LPP: variants seen among roughly 807,000 people sequenced by gnomAD.
The protein encoded by LPP is lipoma-preferred partner.
In LPP, 38 loss-of-function variants were observed where a neutral mutation model predicts 60.4. The observed-to-expected ratio is 0.63, with a 90% CI of 0.49 to 0.83. The LOEUF (loss-of-function observed/expected upper bound fraction) is 0.83, where lower values mean the gene tolerates loss of function less well. Ranked by LOEUF, LPP falls within the 40% of genes least tolerant of loss-of-function variation. The pLI is 0.00. For missense variants in LPP, 902 were observed against 783.6 expected (o/e 1.15, Z -1.80); for synonymous variants, 328 against 290.8 (o/e 1.13, Z -1.30).
At chr3:188,346,482 C>T (rs992879507) in intron 3 of LPP, among the ~76,000 whole-genome samples, 1 of 150,076 alleles carries the variant, frequency 6.7e-6, no homozygotes, top group Non-Finnish European at 1.5e-5. Context: ...TCAGGCTGCT[C>T]TCAAACTCCT....
intron 2 of LPP, among the ~76,000 whole-genome samples, chr3:188,329,035 C>T (rs953043924): frequency 3.9e-5 from 6 of 152,074 alleles, no homozygotes; most frequent in African/African-American, 1.4e-4. Flanking sequence ...ATTTTTGTAG[C>T]ATTAATGTAA....
intron 9 of LPP, among the ~76,000 whole-genome samples, chr3:188,820,573 G>A (rs564725186): frequency 2.6e-5 from 4 of 152,208 alleles, no homozygotes; most frequent in African/African-American, 9.6e-5. Flanking sequence ...CTGTGTGTTT[G>A]CTTCTCCTCA....
intron 3 of LPP, among the ~76,000 whole-genome samples, chr3:188,365,573 C>T (rs926319373): frequency 1.1e-4 from 16 of 152,046 alleles, no homozygotes; most frequent in East Asian, 3.9e-4. Flanking sequence ...GGTAGTTATT[C>T]GAGCAGCAGT....
intron 7 of LPP, among the ~76,000 whole-genome samples, chr3:188,626,689 G>C (rs1170143402): frequency 6.6e-6 from 1 of 152,042 alleles, no homozygotes; most frequent in African/African-American, 2.4e-5. Context: ...AGTCGTATTG[G>C]ATTAAGGTCC....
At chr3:188,324,980 T>C (rs1429851873) in intron 2 of LPP, among the ~76,000 whole-genome samples, 4 of 152,068 alleles carry the variant, frequency 2.6e-5, no homozygotes, top group Non-Finnish European at 5.9e-5. Context: ...CCTTTTTTTT[T>C]CTTTCTTTAT....
intron 7 of LPP, among the ~76,000 whole-genome samples, chr3:188,655,853 T>G (rs1560017843): frequency 6.6e-6 from 1 of 152,110 alleles, no homozygotes; most frequent in Non-Finnish European, 1.5e-5. Context: ...GTGACTTCAG[T>G]GCTTCCTTAT....
At chr3:188,726,702 T>G (rs1718523403) in intron 8 of LPP, among the ~76,000 whole-genome samples, 1 of 152,200 alleles carries the variant, frequency 6.6e-6, no homozygotes, top group Admixed American at 6.5e-5. Context: ...CTGCCTAATT[T>G]TGTTTCTTTT....
intron 7 of LPP, among the ~76,000 whole-genome samples, chr3:188,692,948 T>A (rs1305034780): frequency 6.6e-6 from 1 of 152,232 alleles, no homozygotes; most frequent in Non-Finnish European, 1.5e-5. Flanking sequence ...CTACATTAGA[T>A]GATTTGATTA....
At chr3:188,585,632 A>G (rs575394206) in intron 6 of LPP, among the ~76,000 whole-genome samples, 19 of 152,384 alleles carry the variant, frequency 1.2e-4, no homozygotes, top group African/African-American at 4.3e-4. Context: ...CCTGGGCTAC[A>G]AATACATGTT....
intron 4 of LPP, among the ~76,000 whole-genome samples, chr3:188,410,300 T>C (rs1784596810): frequency 1.3e-5 from 2 of 152,234 alleles, no homozygotes; most frequent in African/African-American, 2.4e-5. Context: ...GTCTTTGCAT[T>C]ACTTTTCCTT....
intron 9 of LPP, among the ~76,000 whole-genome samples, chr3:188,820,174 A>C (rs1753577943): frequency 6.6e-6 from 1 of 152,166 alleles, no homozygotes; most frequent in Admixed American, 6.6e-5. Flanking sequence ...TTAGCAATAA[A>C]TTATTGCTTA....
chr3:188,189,698 C>T (rs1034614200), intron 1 of LPP, among the ~76,000 whole-genome samples: 3 of 152,188 alleles, frequency 2.0e-5, no homozygotes, highest in East Asian at 1.9e-4. Context: ...TCAGTACCAG[C>T]GTCACCTGCT....
intron 3 of LPP, among the ~76,000 whole-genome samples, chr3:188,383,953 C>T (rs1216423693): frequency 6.6e-6 from 1 of 152,174 alleles, no homozygotes; most frequent in Non-Finnish European, 1.5e-5. Context: ...ATCATTGATA[C>T]CACCAGCAGC....
chr3:188,435,469 C>A (rs748136007), intron 4 of LPP, among the ~76,000 whole-genome samples: 2 of 152,082 alleles, frequency 1.3e-5, no homozygotes, highest in Non-Finnish European at 2.9e-5. Context: ...TGGAGACACA[C>A]GTTTATATAA....
intron 8 of LPP, among the ~76,000 whole-genome samples, chr3:188,740,043 G>A (rs16863564): frequency 0.044 from 6,768 of 152,114 alleles, 223 homozygotes; most frequent in South Asian, 0.13. Flanking sequence ...TATGTTCGCA[G>A]AAATCACCAG....
chr3:188,783,740 G>A (rs533313280), intron 9 of LPP, among the ~76,000 whole-genome samples: 34 of 151,732 alleles, frequency 2.2e-4, no homozygotes, highest in African/African-American at 8.0e-4. Flanking sequence ...AAAAAATCCT[G>A]CCTCCATTTT....
At chr3:188,843,636 A>C (rs1446926946) in intron 9 of LPP, among the ~76,000 whole-genome samples, 1 of 150,868 alleles carries the variant, frequency 6.6e-6, no homozygotes, top group Non-Finnish European at 1.5e-5. Context: ...AAATACAAAA[A>C]ATTAGCCGGG....
At chr3:188,562,861 A>G (rs1831061205) in intron 6 of LPP, among the ~76,000 whole-genome samples, 1 of 152,074 alleles carries the variant, frequency 6.6e-6, no homozygotes, top group Non-Finnish European at 1.5e-5. Flanking sequence ...GTTCAAAGGG[A>G]GAAGTTGAAA....
intron 4 of LPP, among the ~76,000 whole-genome samples, chr3:188,468,006 G>C (rs1221261064): frequency 6.6e-6 from 1 of 152,068 alleles, no homozygotes; most frequent in Non-Finnish European, 1.5e-5. Flanking sequence ...AAAATGATCT[G>C]TTTATATGTT....
Sources: gnomAD v4.1 joint callset for allele counts (sites outside exome capture counted in the v4.1 genomes callset) on GRCh38, gnomAD v4.1.1 for gene constraint, MANE v1.5 for transcripts, NCBI Gene and HGNC (gene_info 2026-07-23, HGNC 2026-07-21) for gene names.